RSPH9: variants seen among roughly 807,000 people sequenced by gnomAD.
RSPH9 encodes the protein radial spoke head protein 9 homolog.
A neutral mutation model predicts 27.0 loss-of-function variants in RSPH9; 27 were observed. The ratio of observed to expected loss-of-function variants is 1.00; its 90% CI spans 0.74 to 1.38. The LOEUF (loss-of-function observed/expected upper bound fraction) is 1.38, where lower values mean the gene tolerates loss of function less well. Ranked by LOEUF, RSPH9 falls within the 40% of genes most tolerant of loss-of-function variation. RSPH9 has a pLI of 0.00. For synonymous variants in RSPH9, 145 were observed against 147.7 expected (o/e 0.98, Z 0.13); for missense variants, 347 against 357.4 (o/e 0.97, Z 0.24).
intron 4 of RSPH9, among the ~76,000 whole-genome samples, chr6:43,658,758 A>G (rs944069127): frequency 2.0e-5 from 3 of 152,110 alleles, no homozygotes; most frequent in African/African-American, 7.2e-5. Context: ...GTTAGCCAGG[A>G]TGGTCTCAAT....
rs773242367 is a variant in RSPH9 at position 43,670,851 on chromosome 6, C to T, written c.733C>T (p.Pro245Ser). The T allele has an allele frequency of 6.2e-7, 1 of 1,614,210 alleles. No homozygotes were observed. The highest frequency in any genetic ancestry group is 8.5e-7 in the Non-Finnish European group (1 of 1,180,042). ...ALVVLRSLLW[P>S]GLTFYHAPRT... ...GGTGGTGCTGCGCAGCCTGCTCTGG[C>T]CGGGCCTCACCTTCTACCATGCTCC... Residue 245 changes from proline (P) to serine (S), a missense_variant, in exon 5 of 5, where the codon CCG becomes TCG. By Grantham distance (74) the Pro-to-Ser change is moderately conservative (BLOSUM62 -1). Coordinates refer to ENST00000372163, the MANE Select transcript of RSPH9 (RefSeq NM_152732.5).
chr6:43,668,281 G>A (rs765481494), intron 4 of RSPH9, among the ~76,000 whole-genome samples: 3 of 152,262 alleles, frequency 2.0e-5, no homozygotes, highest in South Asian at 2.1e-4. Flanking sequence ...TAGATGCTAC[G>A]TGACTCCTGG....
rs1268855761 is a variant in RSPH9 at position 43,669,156 on chromosome 6, AG to A, written c.671-1629del. On this transcript the variant is annotated intron_variant, in intron 4 of 4. Coordinates refer to ENST00000372163, the MANE Select transcript of RSPH9 (RefSeq NM_152732.5). ...GTTCCAGCCGGAGCCCCGCTAACAC[AG>A]GGGCACTACTTTCTTCTTGATGTTG... Among the ~76,000 whole-genome samples, 3 of 152,190 alleles carry A rather than the reference AG, an allele frequency of 2.0e-5. No homozygotes were observed. In the East Asian group the frequency reaches 5.8e-4, roughly 29 times the overall value.
intron 4 of RSPH9, among the ~76,000 whole-genome samples, chr6:43,667,773 C>T (rs1773293929): frequency 6.6e-6 from 1 of 152,132 alleles, no homozygotes; most frequent in Non-Finnish European, 1.5e-5. Flanking sequence ...CACTGGGAAC[C>T]CATGGCCATT....
At chr6:43,656,030 T>G (rs1186917391) in intron 3 of RSPH9, among the ~76,000 whole-genome samples, 20 of 115,768 alleles carry the variant, frequency 1.7e-4, no homozygotes, top group African/African-American at 9.5e-4. Flanking sequence ...CCTTCCTTCC[T>G]TCCTTCCCCT....
chr6:43,658,312 A>AAAAAAAAAAAAG (rs1772251381), intron 4 of RSPH9, among the ~76,000 whole-genome samples: 1 of 133,784 alleles, frequency 7.5e-6, no homozygotes, highest in Non-Finnish European at 1.6e-5. Context: ...AAAAAAAAAG[A>AAAAAAAAAAAAG]AAAAAAAAAA....
rs890742281 is a variant in RSPH9 at position 43,671,253 on chromosome 6, C to G, written c.*304C>G. ...ACACGAGAGCGGCAAGTGTGTCAGGCAGCCCACCTTGGCTCCCTGCAGCTC... is the reference window on the plus strand; with the variant it reads ...ACACGAGAGCGGCAAGTGTGTCAGGGAGCCCACCTTGGCTCCCTGCAGCTC... On this transcript the variant is annotated 3_prime_UTR_variant, in exon 5 of 5. Coordinates refer to ENST00000372163, the MANE Select transcript of RSPH9 (RefSeq NM_152732.5). 14 of 519,370 alleles carry G rather than the reference C, an allele frequency of 2.7e-5. No homozygotes were observed. Among genetic ancestry groups the G allele is most frequent in the Non-Finnish European group, 4.5e-5 (13 of 288,184 alleles). 32.2% of individuals were successfully genotyped at this position (519,370 alleles called of 1,614,324 possible). A position where few individuals can be genotyped will look rare whatever the true frequency, so the allele number is the denominator to read the frequency against.
intron 1 of RSPH9, among the ~76,000 whole-genome samples, chr6:43,647,412 T>C (rs752219366): frequency 1.3e-5 from 2 of 152,086 alleles, no homozygotes; most frequent in African/African-American, 2.4e-5. Context: ...TAGGAGTCCA[T>C]TGTAGTGTCC....
At chr6:43,656,421 GA>G (rs1772057784) in intron 3 of RSPH9, among the ~76,000 whole-genome samples, 155 bp from the exon 4 acceptor site, 1 of 152,108 alleles carries the variant, frequency 6.6e-6, no homozygotes, top group South Asian at 2.1e-4. Flanking sequence ...TCCGAGTTTG[GA>G]CTGAGGGAAT....
intron 1 of RSPH9, 135 bp downstream of exon 1, chr6:43,645,460 A>C: frequency 1.3e-6 from 1 of 786,766 alleles, no homozygotes; most frequent in African/African-American, 1.7e-5. Flanking sequence ...AGATGAGTGG[A>C]ATGGGGGAGA....
intron 4 of RSPH9, among the ~76,000 whole-genome samples, chr6:43,660,630 A>AT (rs1772519351): frequency 6.6e-6 from 1 of 151,838 alleles, no homozygotes; most frequent in East Asian, 1.9e-4. Context: ...CACCCAGCTA[A>AT]TTTTTTGTAT....
In RSPH9 at chr6:43,671,122, G is replaced by T; in HGVS notation, c.*173G>T. On this transcript the variant is annotated 3_prime_UTR_variant, in exon 5 of 5. Transcript: ENST00000372163. ...TCATTTCTAAACCAAGTGGCAGAGGGGTTGGAATGTGCTAATGAAAGAGAT... is the reference window on the plus strand; with the variant it reads ...TCATTTCTAAACCAAGTGGCAGAGGTGTTGGAATGTGCTAATGAAAGAGAT... 2.7e-6 allele frequency: 2 copies of T among 740,490 alleles called. No individual in the cohort carries two copies. The highest frequency in any genetic ancestry group is 3.6e-5 in the South Asian group (2 of 55,898). 45.9% of individuals were successfully genotyped at this position (740,490 alleles called of 1,614,324 possible). A position where few individuals can be genotyped will look rare whatever the true frequency, so the allele number is the denominator to read the frequency against.
chr6:43,671,454 T>TAAGC lies in RSPH9; in HGVS notation c.*506_*509dup. On this transcript the variant is annotated 3_prime_UTR_variant, in exon 5 of 5. Coordinates refer to ENST00000372163, the MANE Select transcript of RSPH9 (RefSeq NM_152732.5). ...AAGCAGTGAGCGCACACCCAATGGG[T>TAAGC]AAGCCCATGAACCCAGTTTATGACA... is the stretch of plus-strand genomic sequence containing the variant. 3 of 464,788 alleles carry TAAGC rather than the reference T, an allele frequency of 6.5e-6. No individual in the cohort carries two copies. Among genetic ancestry groups the TAAGC allele is most frequent in the Non-Finnish European group, 1.2e-5 (3 of 256,234 alleles). 28.8% of individuals were successfully genotyped at this position (464,788 alleles called of 1,614,324 possible).
chr6:43,649,193 G>GTTTTT (rs1413134943), intron 1 of RSPH9, among the ~76,000 whole-genome samples: 4 of 151,666 alleles, frequency 2.6e-5, no homozygotes, highest in Non-Finnish European at 5.9e-5. Context: ...TTTTGTTTTT[G>GTTTTT]TTTTGTTTTT....
chr6:43,668,866 C>A (rs1403385111), intron 4 of RSPH9, among the ~76,000 whole-genome samples: 1 of 152,222 alleles, frequency 6.6e-6, no homozygotes, highest in African/African-American at 2.4e-5. Flanking sequence ...ATACTCTAGG[C>A]TGGTGGGGTG....
chr6:43,664,638 C>T (rs1772964742), intron 4 of RSPH9, among the ~76,000 whole-genome samples: 1 of 152,192 alleles, frequency 6.6e-6, no homozygotes, highest in Admixed American at 6.5e-5. Context: ...GGAGCTGCCA[C>T]CAAGGAGTGG....
At position 43,671,004 on chromosome 6, in the gene RSPH9, C is replaced by T; in HGVS notation, c.*55C>T. 2 of 1,605,824 alleles carry T rather than the reference C, an allele frequency of 1.2e-6. No individual in the cohort carries two copies. The highest frequency in any genetic ancestry group is 2.2e-5 in the East Asian group (1 of 44,764). ...AGAGTCTAAACATGATTTTCTTAAGCTTCAGTGAACTTGGCCTGCCTGTTC... is the reference window on the plus strand; with the variant it reads ...AGAGTCTAAACATGATTTTCTTAAGTTTCAGTGAACTTGGCCTGCCTGTTC... On this transcript the variant is annotated 3_prime_UTR_variant, in exon 5 of 5. Transcript: ENST00000372163.
chr6:43,665,166 G>A (rs1440377744), intron 4 of RSPH9, among the ~76,000 whole-genome samples: 2 of 152,222 alleles, frequency 1.3e-5, no homozygotes, highest in African/African-American at 4.8e-5. Context: ...GGGTGATAGA[G>A]CTTCTGCAGC....
At chr6:43,656,211 G>A (rs373040957) in intron 3 of RSPH9, among the ~76,000 whole-genome samples, 1 of 151,826 alleles carries the variant, frequency 6.6e-6, no homozygotes, top group African/African-American at 2.4e-5. Context: ...TCAGCCTCCC[G>A]AGTAGCTGGG....
Sources: gnomAD v4.1 joint callset for allele counts (sites outside exome capture counted in the v4.1 genomes callset) on GRCh38, gnomAD v4.1.1 for gene constraint, MANE v1.5 for transcripts, NCBI Gene and HGNC (gene_info 2026-07-23, HGNC 2026-07-21) for gene names.